Variants in ATP11A observed in about 807,000 individuals in gnomAD.
ATP11A encodes the protein ATPase phospholipid transporting 11A, also known as phospholipid-transporting ATPase IH.
A neutral mutation model predicts 154.4 loss-of-function variants in ATP11A; 81 were observed. The ratio of observed to expected loss-of-function variants is 0.52; its 90% confidence interval spans 0.44 to 0.63. The LOEUF (loss-of-function observed/expected upper bound fraction) is 0.63, where lower values mean the gene tolerates loss of function less well. Ranked by LOEUF, ATP11A falls within the 30% of genes least tolerant of loss-of-function variation. The pLI, the probability that ATP11A is intolerant of heterozygous loss-of-function variation, is 0.00. For synonymous variants in ATP11A, 623 were observed against 585.9 expected, an observed-to-expected ratio of 1.06 and a Z score of -0.91; for missense variants, 1,316 against 1,474.3, an observed-to-expected ratio of 0.89 and a Z score of 1.76.
Position 112,819,961 on chromosome 13 carries a change from C to G in ATP11A, c.725+11C>G. ...TGACCCCGTGGTGAGGTGAGTGCCT[C>G]TGCGGATGCCTTGGCCACGGTCACC... is the stretch of plus-strand genomic sequence containing the variant. On this transcript the variant is annotated intron_variant, in intron 8 of 29. Transcript: ENST00000375645. The G allele has an allele frequency of 6.3e-7, 1 of 1,577,886 alleles. No homozygotes were observed. Among genetic ancestry groups the G allele is most frequent in the Non-Finnish European group, 8.6e-7 (1 of 1,160,458 alleles).
intron 2 of ATP11A, among the ~76,000 whole-genome samples, chr13:112,803,172 A>G (rs1005274706): frequency 1.3e-5 from 2 of 152,254 alleles, no homozygotes; most frequent in African/African-American, 2.4e-5. Flanking sequence ...AATTCCTTAT[A>G]TACTCTCTAA....
In ATP11A at chr13:112,882,821, T is replaced by C. The variant is rs2080914752; in HGVS notation, c.*955T>C. The C allele has an allele frequency of 5.0e-6, 2 of 399,200 alleles. No individual in the cohort carries two copies. Among genetic ancestry groups the C allele is most frequent in the Non-Finnish European group, 8.8e-6 (2 of 226,654 alleles). The allele number at this position is 399,200 out of a possible 1,614,324, so 24.7% of individuals were successfully genotyped here. A position where few individuals can be genotyped will look rare whatever the true frequency, so the allele number is the denominator to read the frequency against. ...GGGCCGGGAGACAGATACTTGGCTG[T>C]GATGAGCAGACATCCTCTGTCCCCG... On this transcript the variant is annotated 3_prime_UTR_variant, in exon 30 of 30. Transcript: ENST00000375645. This position sits in a 1 kb window ranked among gnomAD's most constrained non-coding sequence, Gnocchi z 5.1.
At chr13:112,865,638 C>T (rs2080306319) in intron 25 of ATP11A, among the ~76,000 whole-genome samples, 1 of 152,264 alleles carries the variant, frequency 6.6e-6, no homozygotes, top group South Asian at 2.1e-4. Flanking sequence ...CAAGCTCCAC[C>T]TCCTGGGTTC....
intron 10 of ATP11A, 89 bp downstream of exon 10, chr13:112,824,514 C>A: frequency 8.2e-7 from 1 of 1,225,924 alleles, no homozygotes; most frequent in Non-Finnish European, 1.2e-6. Flanking sequence ...GCCTTATTGG[C>A]AGTTCCTTTG....
rs182982513 is a variant in ATP11A, at chr13:112,707,486, T to C, written c.39+17031T>C. Among the ~76,000 whole-genome samples, 488 of 151,202 alleles carry C rather than the reference T, an allele frequency of 3.2e-3. 2 individuals carry two copies. Among genetic ancestry groups the C allele is most frequent in the Non-Finnish European group, 6.2e-3 (419 of 67,926 alleles). The stretch of plus-strand genomic sequence containing the variant: ...AGGGCCTTGAAGGTGAGGAGCGTAG[T>C]GGCCAGCCTTTGGAAGTTGACAACG... On this transcript the variant is annotated intron_variant, in intron 1 of 29. Coordinates refer to ENST00000375645, the MANE Select transcript of ATP11A (RefSeq NM_015205.3).
intron 1 of ATP11A, among the ~76,000 whole-genome samples, chr13:112,749,682 G>A (rs2076644683): frequency 6.6e-6 from 1 of 151,994 alleles, no homozygotes; most frequent in Admixed American, 6.5e-5. Context: ...CCCACGTGGG[G>A]ACACGTCTGC....
At chr13:112,817,260 A>G (rs1180813651) in intron 6 of ATP11A, among the ~76,000 whole-genome samples, 1 of 152,226 alleles carries the variant, frequency 6.6e-6, no homozygotes, top group Non-Finnish European at 1.5e-5. Context: ...ACGTATGGAT[A>G]TAGGCCATTT....
chr13:112,780,474 C>T (rs754534), intron 1 of ATP11A, among the ~76,000 whole-genome samples: 46,350 of 152,166 alleles, frequency 0.3, 8,085 homozygotes, highest in Middle Eastern at 0.45. Context: ...TCTGTCCCCA[C>T]GCGTGTTGCT....
At chr13:112,763,175 A>G (rs1180853751) in intron 1 of ATP11A, among the ~76,000 whole-genome samples, 2 of 152,198 alleles carry the variant, frequency 1.3e-5, no homozygotes, top group Non-Finnish European at 1.5e-5. Flanking sequence ...TACACGTTAT[A>G]ACAACAGCTA....
In ATP11A at chr13:112,762,087, A is replaced by G. The variant is rs575856735; in HGVS notation, c.40-23048A>G. 3.9e-5 allele frequency among the ~76,000 whole-genome samples: 6 copies of G among 152,304 alleles called. No individual in the cohort carries two copies. In the South Asian group the frequency reaches 1.2e-3, roughly 32 times the overall value. ...ACAGTCCCTGTTATCAAGGCATTGTAACCTAAGGTCATGGAGACTCGTGCT... is the reference window on the plus strand; with the variant it reads ...ACAGTCCCTGTTATCAAGGCATTGTGACCTAAGGTCATGGAGACTCGTGCT... On this transcript the variant is annotated intron_variant, in intron 1 of 29. Transcript: ENST00000375645.
intron 12 of ATP11A, among the ~76,000 whole-genome samples, chr13:112,828,996 CCTT>C (rs934871879): frequency 6.6e-6 from 1 of 152,234 alleles, no homozygotes; most frequent in Admixed American, 6.5e-5. Context: ...ACTTCGTGCA[CCTT>C]CTCTGTGTCC....
chr13:112,769,976 G>A (rs1309261486), intron 1 of ATP11A, among the ~76,000 whole-genome samples: 1 of 151,950 alleles, frequency 6.6e-6, no homozygotes. Flanking sequence ...CATGAAATCA[G>A]CGTTACGTTT....
At chr13:112,752,736 G>C (rs2076724125) in intron 1 of ATP11A, among the ~76,000 whole-genome samples, 1 of 152,192 alleles carries the variant, frequency 6.6e-6, no homozygotes, top group Non-Finnish European at 1.5e-5. Flanking sequence ...AATAGCAGTA[G>C]GATGCCAAGA....
rs1222655939 is a variant in ATP11A, at chr13:112,875,111, G to A, written c.3162-665G>A. 2.0e-5 allele frequency among the ~76,000 whole-genome samples: 3 copies of A among 152,222 alleles called. No individual in the cohort carries two copies. The highest frequency in any genetic ancestry group is 1.9e-4 in the East Asian group (1 of 5,158). Reference sequence around the variant, plus strand: ...CTGCCAGCAGCTGCGTGTCCCTCCCGTTACCCACCATGCCCTGCTTCCGTT... The same window carrying A: ...CTGCCAGCAGCTGCGTGTCCCTCCCATTACCCACCATGCCCTGCTTCCGTT... On this transcript the variant is annotated intron_variant, in intron 27 of 29. Transcript: ENST00000375645. This position sits in a 1 kb window ranked among gnomAD's most constrained non-coding sequence, Gnocchi z 4.1.
chr13:112,837,317 C>T (rs1040419301), intron 16 of ATP11A, among the ~76,000 whole-genome samples: 1 of 152,252 alleles, frequency 6.6e-6, no homozygotes, highest in Non-Finnish European at 1.5e-5. Flanking sequence ...TAGGAAGGGC[C>T]TTTCACCCAT....
intron 18 of ATP11A, among the ~76,000 whole-genome samples, chr13:112,853,202 A>C (rs1020770816): frequency 2.6e-5 from 4 of 152,144 alleles, no homozygotes; most frequent in Admixed American, 2.6e-4. Context: ...CCTGGGCAAC[A>C]TAAGGCGTTC....
In ATP11A at chr13:112,859,600, GA is replaced by G; in HGVS notation, c.2727+150del. ...AGGGTGCCCAGCAGCAGGCGGGGGT[GA>G]AGGGTCGGGCCTGGGGAGGGGGGCC... On this transcript the variant is annotated intron_variant, in intron 23 of 29. Transcript: ENST00000375645. The surrounding 1 kb of genome is among the most constrained non-coding windows in gnomAD (Gnocchi z 4.3). 1.4e-6 allele frequency: 1 copy of G among 690,496 alleles called. No individual in the cohort carries two copies. Among genetic ancestry groups the G allele is most frequent in the Non-Finnish European group, 2.6e-6 (1 of 383,194 alleles). 42.8% of individuals were successfully genotyped at this position (690,496 alleles called of 1,614,324 possible).
intron 25 of ATP11A, among the ~76,000 whole-genome samples, chr13:112,863,999 C>T (rs1361429684): frequency 2.5e-5 from 2 of 79,954 alleles, no homozygotes; most frequent in South Asian, 4.6e-4. Context: ...TCCATCACCA[C>T]GTGCACAGTA....
At chr13:112,750,366 C>A (rs2076660968) in intron 1 of ATP11A, among the ~76,000 whole-genome samples, 1 of 32,434 alleles carries the variant, frequency 3.1e-5, no homozygotes, top group Non-Finnish European at 6.0e-5. Context: ...GGGTTTGAAT[C>A]CCCTTCAGCC....
Sources: gnomAD v4.1 joint callset for allele counts (sites outside exome capture counted in the v4.1 genomes callset) on GRCh38, gnomAD v4.1.1 for gene constraint, Gnocchi (gnomAD v3.1) non-coding constraint, MANE v1.5 for transcripts, NCBI Gene and HGNC (gene_info 2026-07-23, HGNC 2026-07-21) for gene names.